Variants in LRP1 observed in about 807,000 individuals in gnomAD.
LRP1 encodes LDL receptor related protein 1.
A neutral mutation model predicts 541.5 loss-of-function variants in LRP1; 51 were observed. The ratio of observed to expected loss-of-function variants is 0.09; its 90% CI spans 0.08 to 0.12. The LOEUF is 0.12. Among genes scored for constraint, LRP1 ranks in the 10% least tolerant of loss-of-function variants. The pLI is 1.00. For synonymous variants in LRP1, 2,219 were observed against 2,470.8 expected (o/e 0.90, Z 3.02); for missense variants, 3,878 against 6,376.2 (o/e 0.61, Z 13.34).
At position 57,138,556 on chromosome 12, in the gene LRP1, C is replaced by A. The variant is rs143976462; in HGVS notation, c.165C>A (p.Asp55Glu). 1 of 1,614,054 alleles carries A rather than the reference C, an allele frequency of 6.2e-7. No individual in the cohort carries two copies. Among genetic ancestry groups the A allele is most frequent in the South Asian group, 1.1e-5 (1 of 91,076 alleles). ...GCGACGGTGAGAGGGACTGCCCAGA[C>A]GGATCTGACGAGGCCCCTGAGATTT... The part of the protein sequence containing the change: ...WRCDGERDCP[D>E]GSDEAPEICP... Residue 55 changes from aspartate (D) to glutamate (E), a missense_variant, in exon 2 of 89, where the codon GAC becomes GAA. Asp to Glu is a conservative substitution (Grantham distance 45, BLOSUM62 2). Transcript: ENST00000243077.
intron 6 of LRP1, among the ~76,000 whole-genome samples, chr12:57,148,709 A>C (rs1307899219): frequency 6.6e-6 from 1 of 152,080 alleles, no homozygotes; most frequent in Non-Finnish European, 1.5e-5. Flanking sequence ...GGAGGTTCTG[A>C]GGTTGTAAAT....
In LRP1 at chr12:57,204,890, T is replaced by C; in HGVS notation, c.11194+141T>C. ...AGGGGAGGATCCATTGCTAGGAGCC[T>C]GGGGGCTTTTCGTTAGGAAAGAGAA... On this transcript the variant is annotated intron_variant, in intron 72 of 88. Coordinates refer to ENST00000243077, the MANE Select transcript of LRP1 (RefSeq NM_002332.3). The surrounding 1 kb of genome is among the most constrained non-coding windows in gnomAD (Gnocchi z 5.3). 7.1e-7 allele frequency: 1 copy of C among 1,410,656 alleles called. No homozygotes were observed. The highest frequency in any genetic ancestry group is 9.5e-7 in the Non-Finnish European group (1 of 1,047,304). 87.4% of individuals were successfully genotyped at this position (1,410,656 alleles called of 1,614,324 possible).
Position 57,208,803 on chromosome 12 carries a change from T to A in LRP1, c.12131T>A (p.Ile4044Asn). The change falls in exon 78 of 89, where the codon ATT becomes AAT. Residue 4044 changes from isoleucine (I) to asparagine (N), a missense_variant. Coordinates refer to ENST00000243077, the MANE Select transcript of LRP1 (RefSeq NM_002332.3). ...CGGGAGACACTGGTGCAGGACAACA[T>A]TCAGTGGCCCACAGGTTTGTGGGGC... Reference protein sequence around the residue: ...TLRETLVQDNIQWPTGLAVDY... With the variant: ...TLRETLVQDNNQWPTGLAVDY... 6.2e-7 allele frequency: 1 copy of A among 1,613,688 alleles called. No individual in the cohort carries two copies. Among genetic ancestry groups the A allele is most frequent in the Non-Finnish European group, 8.5e-7 (1 of 1,179,790 alleles).
Position 57,206,501 on chromosome 12 carries a change from T to C in LRP1, c.11619T>C (p.Ala3873=). Reference sequence around the variant, plus strand: ...CTGAGTACCAGGTCCTGTACATCGCTGATGACAATGAGATCCGCAGCCTGT... The same window carrying C: ...CTGAGTACCAGGTCCTGTACATCGCCGATGACAATGAGATCCGCAGCCTGT... ...EGSEYQVLYI[A]DDNEIRSLFP... The change falls in exon 76 of 89, where the codon GCT becomes GCC. Residue 3873 remains alanine, a synonymous_variant. Transcript: ENST00000243077. The surrounding 1 kb of genome is among the most constrained non-coding windows in gnomAD (Gnocchi z 4.7). 1.2e-6 allele frequency: 2 copies of C among 1,614,130 alleles called. No individual in the cohort carries two copies. Among genetic ancestry groups the C allele is most frequent in the Middle Eastern group, 1.7e-4 (1 of 6,060 alleles).
chr12:57,185,267 T>C lies in LRP1; in HGVS notation c.6463+62T>C. The C allele has an allele frequency of 6.3e-7, 1 of 1,593,070 alleles. No homozygotes were observed. Among genetic ancestry groups the C allele is most frequent in the South Asian group, 1.1e-5 (1 of 88,434 alleles). ...GGGGGACTCTGGCCTGGGAGAGTGC[T>C]CCCCAGGGAACCCAGTGTGAGAGGG... On this transcript the variant is annotated intron_variant, in intron 40 of 88. Transcript: ENST00000243077. The surrounding 1 kb of genome is among the most constrained non-coding windows in gnomAD (Gnocchi z 4.9).
chr12:57,187,201 C>T, intron 41 of LRP1, 66 bp from the exon 42 acceptor site: 21 of 1,522,128 alleles, frequency 1.4e-5, no homozygotes, highest in Non-Finnish European at 1.9e-5. Flanking sequence ...AGGCTGTCCC[C>T]CACGGCTCCT....
rs1321024060 is a variant in LRP1, at chr12:57,167,531, G to C, written c.2995+7G>C. 1 of 1,612,436 alleles carries C rather than the reference G, an allele frequency of 6.2e-7. No homozygotes were observed. The highest frequency in any genetic ancestry group is 8.5e-7 in the Non-Finnish European group (1 of 1,178,550). ...AACTGGAGATGCGACAATGGTAAGA[G>C]CTTGCTCTCCTCACCTGCTGATTCC... On this transcript the variant is annotated splice_region_variant and intron_variant, in intron 19 of 88. Transcript: ENST00000243077.
Position 57,205,468 on chromosome 12 carries a change from G to T in LRP1, c.11453G>T (p.Gly3818Val). 1 of 1,610,976 alleles carries T rather than the reference G, an allele frequency of 6.2e-7. No individual in the cohort carries two copies. Residue 3818 changes from glycine (G) to valine (V), a missense_variant, in exon 74 of 89, where the codon GGC becomes GTC. By Grantham distance (109) the Gly-to-Val change is moderately radical (BLOSUM62 -3). Coordinates refer to ENST00000243077, the MANE Select transcript of LRP1 (RefSeq NM_002332.3). This position sits in a 1 kb window ranked among gnomAD's most constrained non-coding sequence, Gnocchi z 4.6. ...ACRSGFHTVP[G>V]QPGCQDINEC... is the part of the protein sequence containing the mutation. ...CGCTCGGGCTTCCACACCGTGCCCG[G>T]CCAGCCCGGATGCCAAGGTAGGAAA...
In LRP1 at chr12:57,202,456, A is replaced by G; in HGVS notation, c.10630A>G (p.Lys3544Glu). The G allele has an allele frequency of 6.2e-7, 1 of 1,613,648 alleles. No homozygotes were observed. Among genetic ancestry groups the G allele is most frequent in the Non-Finnish European group, 8.5e-7 (1 of 1,180,000 alleles). Residue 3544 changes from lysine to glutamate, a missense_variant, in exon 68 of 89, where the codon AAG (lysine) becomes GAG (glutamate). This residue lies in a region of LRP1 where 278 missense variants were observed against 536.3 expected (regional missense o/e 0.52). Transcript: ENST00000243077. Reference sequence around the variant, plus strand: ...CTGTGAGCCATACCAGTTCCGCTGCAAGAACAACCGCTGCGTGCCCGGCCG... The same window carrying G: ...CTGTGAGCCATACCAGTTCCGCTGCGAGAACAACCGCTGCGTGCCCGGCCG... ...RTCEPYQFRCKNNRCVPGRWQ... is the reference protein window; with the variant it reads ...RTCEPYQFRCENNRCVPGRWQ...
chr12:57,160,150 G>A (rs1394388459), intron 12 of LRP1, 145 bp downstream of exon 12: 5 of 745,144 alleles, frequency 6.7e-6, no homozygotes, highest in African/African-American at 5.3e-5. Context: ...GGGAGAAGGA[G>A]TCCCTGTCTT....
rs768585729 is a variant in LRP1 at position 57,166,164 on chromosome 12, A to G, written c.2752A>G (p.Asn918Asp). 1 of 1,613,900 alleles carries G rather than the reference A, an allele frequency of 6.2e-7. No individual in the cohort carries two copies. The highest frequency in any genetic ancestry group is 8.5e-7 in the Non-Finnish European group (1 of 1,179,986). Residue 918 changes from asparagine to aspartate, a missense_variant, in exon 17 of 89, where the codon AAT becomes GAT. Physicochemically the swap from Asn to Asp is conservative, Grantham distance 23. Around this residue, in one of 13 missense-constraint regions of LRP1, gnomAD observed 496 missense variants for 861.0 expected, o/e 0.58. Transcript: ENST00000243077. ...CAACCGCTGGCTCTGCGACGGGGAC[A>G]ATGACTGTGGGAACAGTGAAGATGA... ...IPNRWLCDGD[N>D]DCGNSEDESN...
chr12:57,201,299 A>G lies in LRP1; in HGVS notation c.10345+146A>G. On this transcript the variant is annotated intron_variant, in intron 65 of 88. Coordinates refer to ENST00000243077, the MANE Select transcript of LRP1 (RefSeq NM_002332.3). The surrounding 1 kb of genome is among the most constrained non-coding windows in gnomAD (Gnocchi z 6.4). The stretch of plus-strand genomic sequence containing the variant: ...ATATTGGGTGTAACTTGCTTTGCTC[A>G]TAAAAATCATCATGCATGATATAGA... The G allele has an allele frequency of 5.0e-6, 7 of 1,404,428 alleles. No homozygotes were observed. Among genetic ancestry groups the G allele is most frequent in the African/African-American group, 1.4e-5 (1 of 70,276 alleles). The allele number at this position is 1,404,428 out of a possible 1,614,324, so 87.0% of individuals were successfully genotyped here. A position where few individuals can be genotyped will look rare whatever the true frequency, so the allele number is the denominator to read the frequency against.
In LRP1 at chr12:57,204,450, C is replaced by G. The variant is rs537003889; in HGVS notation, c.10992C>G (p.Thr3664=). The change falls in exon 71 of 89, where the codon ACC becomes ACG. Residue 3664 remains threonine, a synonymous_variant. Transcript: ENST00000243077. The surrounding 1 kb of genome is among the most constrained non-coding windows in gnomAD (Gnocchi z 5.3). ...TGGACGAGTTCCAGTGCAACAACAC[C>G]TTGTGCAAGCCGCTGGCCTGGAAGT... The part of the protein sequence containing the change: ...CPLDEFQCNN[T]LCKPLAWKCD... 6.4e-6 allele frequency: 10 copies of G among 1,563,180 alleles called. No homozygotes were observed. Among genetic ancestry groups the G allele is most frequent in the Admixed American group, 1.8e-5 (1 of 54,850 alleles).
At chr12:57,138,388 C>G in intron 1 of LRP1, 71 bp from the exon 2 acceptor site, 2 of 1,565,260 alleles carry the variant, frequency 1.3e-6, no homozygotes, top group Non-Finnish European at 1.7e-6. Flanking sequence ...AAGAGCAGTA[C>G]TAGGGGACTT....
In LRP1 at chr12:57,129,047, C is replaced by G. The variant is rs36095408; in HGVS notation, c.67+16C>G. On this transcript the variant is annotated intron_variant, in intron 1 of 88. Transcript: ENST00000243077. ...GCTATCGACGGTGAGTGAGATTCCG[C>G]GTCCCCCTTGGACCCCTGGGGGCAC... 5.9e-3 allele frequency: 9,119 copies of G among 1,551,314 alleles called. 34 individuals are homozygous for G. Among genetic ancestry groups the G allele is most frequent in the Non-Finnish European group, 6.9e-3 (7,877 of 1,146,762 alleles).
chr12:57,196,179 G>A lies in LRP1; in HGVS notation c.8794G>A (p.Asp2932Asn), dbSNP rs763968301. The change falls in exon 55 of 89, where the codon GAC becomes AAC. Residue 2932 changes from aspartate (D) to asparagine (N), a missense_variant. Asp to Asn is a conservative substitution (Grantham distance 23). Coordinates refer to ENST00000243077, the MANE Select transcript of LRP1 (RefSeq NM_002332.3). ...LLCNGQDDCG[D>N]SSDERGCHIN... is the part of the protein sequence containing the mutation. ...CTGCAACGGCCAGGATGACTGTGGCGACAGCTCGGACGAGCGTGGCTGCCA... is the reference window on the plus strand; with the variant it reads ...CTGCAACGGCCAGGATGACTGTGGCAACAGCTCGGACGAGCGTGGCTGCCA... 1.2e-6 allele frequency: 2 copies of A among 1,612,744 alleles called. No individual in the cohort carries two copies. The highest frequency in any genetic ancestry group is 1.7e-6 in the Non-Finnish European group (2 of 1,179,548).
In LRP1 at chr12:57,178,273, C is replaced by A; in HGVS notation, c.4362-86C>A. 1 of 1,503,010 alleles carries A rather than the reference C, an allele frequency of 6.7e-7. No individual in the cohort carries two copies. Among genetic ancestry groups the A allele is most frequent in the Non-Finnish European group, 9.1e-7 (1 of 1,104,388 alleles). The allele number at this position is 1,503,010 out of a possible 1,614,324, so 93.1% of individuals were successfully genotyped here. The stretch of plus-strand genomic sequence containing the variant: ...TGCTCTTCGCTGGGAGGGCTGTGGC[C>A]AGGGCCCAGAGGGTGGGCACCTGGG... On this transcript the variant is annotated intron_variant, in intron 26 of 88. Transcript: ENST00000243077. This position sits in a 1 kb window ranked among gnomAD's most constrained non-coding sequence, Gnocchi z 5.8.
At chr12:57,191,861 T>C (rs796594314) in intron 44 of LRP1, among the ~76,000 whole-genome samples, 266 of 8,522 alleles carry the variant, frequency 0.031, no homozygotes, top group Middle Eastern at 0.083. Context: ...ACACACCACA[T>C]ACACACCACA....
rs2036627343 is a variant in LRP1 at position 57,200,538 on chromosome 12, G to A, written c.10108+3G>A. ...CTCAGACGAGCCCCCGGACTGCCGT[G>A]AGTGCCTGCTGGGGGTGACAGGAGG... On this transcript the variant is annotated splice_donor_region_variant and intron_variant, in intron 63 of 88. Transcript: ENST00000243077. The A allele has an allele frequency of 6.2e-7, 1 of 1,613,138 alleles. No homozygotes were observed. Among genetic ancestry groups the A allele is most frequent in the Admixed American group, 1.7e-5 (1 of 59,998 alleles).
Sources: allele counts gnomAD v4.1 joint callset (sites outside exome capture counted in the v4.1 genomes callset), GRCh38; gene constraint gnomAD v4.1.1; regional missense constraint gnomAD v4.1.1; non-coding constraint Gnocchi (gnomAD v3.1); transcripts MANE v1.5; gene names NCBI Gene and HGNC (gene_info 2026-07-23, HGNC 2026-07-21).